Variants in DCHS2 observed in about 807,000 individuals in gnomAD.
DCHS2 encodes the protein protocadherin-23.
A neutral mutation model predicts 182.4 loss-of-function variants in DCHS2; 142 were observed. The ratio of observed to expected loss-of-function variants is 0.78; its 90% CI spans 0.68 to 0.89. The LOEUF (loss-of-function observed/expected upper bound fraction) is 0.89, where lower values mean the gene tolerates loss of function less well. Ranked by LOEUF, DCHS2 falls within the 40% of genes least tolerant of loss-of-function variation. DCHS2 has a pLI of 0.00. For missense variants in DCHS2, 4,319 were observed against 4,198.6 expected, an observed-to-expected ratio of 1.03 and a Z score of -0.79; for synonymous variants, 1,740 against 1,663.3, an observed-to-expected ratio of 1.05 and a Z score of -1.12.
intron 13 of DCHS2, among the ~76,000 whole-genome samples, chr4:154,285,628 A>G (rs1315678137): frequency 3.9e-5 from 6 of 152,180 alleles, no homozygotes; most frequent in Non-Finnish European, 8.8e-5. Context: ...GGTGGTGGCC[A>G]TATGAGAGAG....
At chr4:154,384,576 T>C (rs1731317700) in intron 1 of DCHS2, 1 of 1,490,076 alleles carries the variant, frequency 6.7e-7, no homozygotes, top group Non-Finnish European at 9.0e-7. Context: ...TACTACCTTA[T>C]ATGGCAACAG....
At chr4:154,273,252 C>T (rs1022816520) in intron 13 of DCHS2, among the ~76,000 whole-genome samples, 3 of 152,038 alleles carry the variant, frequency 2.0e-5, no homozygotes, top group African/African-American at 7.2e-5. Flanking sequence ...TATATGCACA[C>T]ACACCATGGA....
At chr4:154,277,631 A>C (rs1395903253) in intron 13 of DCHS2, among the ~76,000 whole-genome samples, 2 of 37,844 alleles carry the variant, frequency 5.3e-5, no homozygotes, top group Admixed American at 4.5e-4. Context: ...AAATCACACC[A>C]AAAAAAAAAA....
chr4:154,304,866 T>C lies in DCHS2; in HGVS notation c.5408A>G (p.Asp1803Gly). ...GCTGGACAATGAAGGGAATCCCCCA[T>C]CTCGTACTAGTACTGACACAGAACA... ...EVFTLRVLVR[D>G]GGFPSLSSTT... The change falls in exon 12 of 20, where the codon GAT (aspartate) becomes GGT (glycine). Residue 1803 changes from aspartate (D) to glycine (G), a missense_variant. Physicochemically the swap from Asp to Gly is moderately conservative, Grantham distance 94. Transcript: ENST00000357232. 1 of 1,611,442 alleles carries C rather than the reference T, an allele frequency of 6.2e-7. No homozygotes were observed. The highest frequency in any genetic ancestry group is 8.5e-7 in the Non-Finnish European group (1 of 1,178,812).
In DCHS2 at chr4:154,239,093, C is replaced by G. The variant is rs373546746; in HGVS notation, c.7492+77G>C. 6 of 1,526,972 alleles carry G rather than the reference C, an allele frequency of 3.9e-6. No homozygotes were observed. In the East Asian group the frequency reaches 9.2e-5, roughly 24 times the overall value. 94.6% of individuals were successfully genotyped at this position (1,526,972 alleles called of 1,614,324 possible). ...GGGAGGTGGGGAACTTTTATAGAGGCATTTAGAAAGGGTTATTTCAGGTTT... is the reference window on the plus strand; with the variant it reads ...GGGAGGTGGGGAACTTTTATAGAGGGATTTAGAAAGGGTTATTTCAGGTTT... On this transcript the variant is annotated intron_variant, in intron 19 of 19. Coordinates refer to ENST00000357232, the MANE Select transcript of DCHS2 (RefSeq NM_001358235.2).
intron 3 of DCHS2, among the ~76,000 whole-genome samples, chr4:154,363,808 G>A (rs947199223): frequency 3.3e-5 from 5 of 152,010 alleles, no homozygotes; most frequent in African/African-American, 9.7e-5. Context: ...CACCTTGTAC[G>A]CCATAATTAT....
intron 1 of DCHS2, among the ~76,000 whole-genome samples, chr4:154,405,186 G>A (rs1159466363): frequency 6.6e-6 from 1 of 152,118 alleles, no homozygotes; most frequent in African/African-American, 2.4e-5. Context: ...GGAGGTTGAG[G>A]TTGCAAGTGA....
At chr4:154,440,607 A>G (rs1276438097) in intron 1 of DCHS2, among the ~76,000 whole-genome samples, 1 of 152,170 alleles carries the variant, frequency 6.6e-6, no homozygotes, top group African/African-American at 2.4e-5. Context: ...CCCCAAACCA[A>G]GTTTTGCCCC....
chr4:154,321,954 G>A (rs902867369), intron 8 of DCHS2, among the ~76,000 whole-genome samples: 3 of 152,038 alleles, frequency 2.0e-5, no homozygotes, highest in Admixed American at 6.6e-5. Context: ...AAAAATCTAT[G>A]TCATTTATTA....
intron 1 of DCHS2, chr4:154,486,331 G>A (rs1008061715): frequency 2.5e-6 from 3 of 1,188,234 alleles, no homozygotes; most frequent in Non-Finnish European, 3.3e-6. Flanking sequence ...AGCAACAGCA[G>A]CAACTAGAGT....
At chr4:154,326,631 C>T (rs1181734723) in intron 7 of DCHS2, among the ~76,000 whole-genome samples, 3 of 152,124 alleles carry the variant, frequency 2.0e-5, no homozygotes, top group Admixed American at 6.5e-5. Context: ...TGTAGGTAAC[C>T]GATCATATCA....
At chr4:154,302,223 C>G (rs1561025517) in intron 12 of DCHS2, among the ~76,000 whole-genome samples, 2 of 152,100 alleles carry the variant, frequency 1.3e-5, no homozygotes, top group Non-Finnish European at 2.9e-5. Context: ...TTGAAAAAAA[C>G]TTAAGTAAAA....
At chr4:154,347,115 A>T (rs925129147) in intron 3 of DCHS2, among the ~76,000 whole-genome samples, 4 of 151,436 alleles carry the variant, frequency 2.6e-5, no homozygotes, top group African/African-American at 9.8e-5. Context: ...GACATTTGTA[A>T]CGTTTTTAAT....
chr4:154,332,707 G>A lies in DCHS2; in HGVS notation c.3501C>T (p.Asp1167=). Residue 1167 remains aspartate, a synonymous_variant, in exon 5 of 20, where the codon GAC becomes GAT. Coordinates refer to ENST00000357232, the MANE Select transcript of DCHS2 (RefSeq NM_001358235.2). ...TAGTGCTCACATTTTGCAAGAATCCGTCCTCGGGGATCCAAGCAAACACTC... is the reference window on the plus strand; with the variant it reads ...TAGTGCTCACATTTTGCAAGAATCCATCCTCGGGGATCCAAGCAAACACTC... ...NFRVFAWIPE[D]GFLQNVSTTV... 1 of 1,614,236 alleles carries A rather than the reference G, an allele frequency of 6.2e-7. No individual in the cohort carries two copies. The highest frequency in any genetic ancestry group is 8.5e-7 in the Non-Finnish European group (1 of 1,180,040).
In DCHS2 at chr4:154,490,082, C is replaced by T. The variant is rs201027235; in HGVS notation, c.1274G>A (p.Arg425His). ...VLFLTEGGVA[R>H]VSEGARPGDY... Reference sequence around the variant, plus strand: ...GCCCGGTCGGGCGCCTTCAGAGACACGGGCGACGCCTCCCTCTGTGAGAAA... The same window carrying T: ...GCCCGGTCGGGCGCCTTCAGAGACATGGGCGACGCCTCCCTCTGTGAGAAA... Residue 425 changes from arginine (R) to histidine (H), a missense_variant, in exon 1 of 20, where the codon CGT becomes CAT. Transcript: ENST00000357232. 3 of 1,549,430 alleles carry T rather than the reference C, an allele frequency of 1.9e-6. No homozygotes were observed. The highest frequency in any genetic ancestry group is 2.0e-5 in the Admixed American group (1 of 50,946).
At chr4:154,337,250 T>G (rs1392320702) in intron 3 of DCHS2, among the ~76,000 whole-genome samples, 1 of 152,006 alleles carries the variant, frequency 6.6e-6, no homozygotes, top group Non-Finnish European at 1.5e-5. Context: ...ACCCCAAACA[T>G]CCCCACTCAC....
chr4:154,464,136 G>A (rs1446682007), intron 1 of DCHS2, among the ~76,000 whole-genome samples: 1 of 151,994 alleles, frequency 6.6e-6, no homozygotes, highest in Non-Finnish European at 1.5e-5. Flanking sequence ...AATTAGACTG[G>A]TCACCAAAAA....
Position 154,235,796 on chromosome 4 carries a change from G to GTCT in DCHS2, c.8853_8855dup (p.Glu2951dup). On this transcript the variant is annotated inframe_insertion, in exon 20 of 20. Transcript: ENST00000357232. ...GAGCGATTATTTTCATTTCCAAGGT[G>GTCT]TCTTCTTTGTTGAGTTGACTTTTTA... The GTCT allele has an allele frequency of 6.2e-7, 1 of 1,613,910 alleles. No individual in the cohort carries two copies. The highest frequency in any genetic ancestry group is 8.5e-7 in the Non-Finnish European group (1 of 1,179,930).
chr4:154,362,454 A>G (rs77883227), intron 3 of DCHS2, among the ~76,000 whole-genome samples: 84 of 152,342 alleles, frequency 5.5e-4, no homozygotes, highest in African/African-American at 1.9e-3. Flanking sequence ...TTCCACAAAT[A>G]TATGATGGGG....
Sources: gnomAD v4.1 joint callset for allele counts (sites outside exome capture counted in the v4.1 genomes callset) on GRCh38, gnomAD v4.1.1 for gene constraint, MANE v1.5 for transcripts, NCBI Gene and HGNC (gene_info 2026-07-23, HGNC 2026-07-21) for gene names.